The following MIA2 variants were observed in gnomAD, a reference collection of about 807,000 sequenced individuals.
MIA2 encodes the protein melanoma inhibitory activity protein 2.
Under a neutral mutation model 167.8 loss-of-function variants are expected in MIA2, and 127 were observed. The observed-to-expected ratio is 0.76, with a 90% CI of 0.66 to 0.88. The LOEUF (loss-of-function observed/expected upper bound fraction) is 0.88. MIA2 is among the 40% of genes least tolerant of loss of function. The pLI is 0.00. For missense variants in MIA2, 1,690 were observed against 1,624.7 expected (o/e 1.04, Z -0.69); for synonymous variants, 552 against 541.9 (o/e 1.02, Z -0.26).
downstream of MIA2, among the ~76,000 whole-genome samples, chr14:39,353,214 T>C (rs1262507761): frequency 6.6e-6 from 1 of 152,240 alleles, no homozygotes; most frequent in Admixed American, 6.5e-5. Flanking sequence ...AGTCCTCTTT[T>C]GTGATTACTT....
chr14:39,278,699 A>G (rs1044722904), intron 7 of MIA2, among the ~76,000 whole-genome samples: 17 of 152,248 alleles, frequency 1.1e-4, no homozygotes, highest in Non-Finnish European at 4.4e-5. Flanking sequence ...GGATATTGGC[A>G]TCAAGGGATA....
intron 9 of MIA2, among the ~76,000 whole-genome samples, chr14:39,288,475 A>ATTTTT (rs1247369150): frequency 4.0e-5 from 2 of 50,520 alleles, no homozygotes; most frequent in African/African-American, 2.1e-4. Flanking sequence ...ATATATATAT[A>ATTTTT]TTTTTTTTTT....
intron 6 of MIA2, among the ~76,000 whole-genome samples, chr14:39,258,891 G>A (rs761038357): frequency 6.6e-6 from 1 of 152,130 alleles, no homozygotes; most frequent in African/African-American, 2.4e-5. Context: ...GACCCTGTTC[G>A]ACTGGATATC....
At chr14:39,292,998 T>C (rs776050809) in intron 10 of MIA2, among the ~76,000 whole-genome samples, 38 of 152,326 alleles carry the variant, frequency 2.5e-4, no homozygotes, top group Middle Eastern at 3.4e-3. Flanking sequence ...TGCTCATTTA[T>C]GTAGGTATTG....
intron 23 of MIA2, among the ~76,000 whole-genome samples, chr14:39,377,401 A>C (rs1051809467): frequency 6.6e-6 from 1 of 152,208 alleles, no homozygotes; most frequent in African/African-American, 2.4e-5. Context: ...GGCTTTAAGA[A>C]AAGCAAAGCT....
chr14:39,267,112 T>G, intron 6 of MIA2: 1 of 1,127,998 alleles, frequency 8.9e-7, no homozygotes, highest in Non-Finnish European at 1.1e-6. Context: ...AGGGGAAGTT[T>G]GCGGCTGTCC....
chr14:39,239,006 A>G (rs757415484), intron 2 of MIA2, among the ~76,000 whole-genome samples: 2 of 152,102 alleles, frequency 1.3e-5, no homozygotes, highest in Non-Finnish European at 2.9e-5. Flanking sequence ...TATGATAAGT[A>G]CTTTTACTCC....
At position 39,293,387 on chromosome 14, in the gene MIA2, G is replaced by C; in HGVS notation, c.2319+6G>C. The C allele has an allele frequency of 1.3e-6, 2 of 1,521,912 alleles. No homozygotes were observed. The highest frequency in any genetic ancestry group is 1.8e-6 in the Non-Finnish European group (2 of 1,108,390). 94.3% of individuals were successfully genotyped at this position (1,521,912 alleles called of 1,614,324 possible). A position where few individuals can be genotyped will look rare whatever the true frequency, so the allele number is the denominator to read the frequency against. ...ATTCTGAACAAGATGAATTGGTAAG[G>C]CTTTTTTATTTGAGGAGAATATAAG... On this transcript the variant is annotated splice_donor_region_variant and intron_variant, in intron 11 of 28. Transcript: ENST00000640607.
chr14:39,375,200 A>G (rs934941924), intron 23 of MIA2, among the ~76,000 whole-genome samples: 1 of 152,190 alleles, frequency 6.6e-6, no homozygotes, highest in Non-Finnish European at 1.5e-5. Flanking sequence ...TATTCCTTCA[A>G]TTCTAAGGAA....
At chr14:39,265,256 C>A in intron 6 of MIA2, 2 of 719,192 alleles carry the variant, frequency 2.8e-6, no homozygotes, top group Non-Finnish European at 4.7e-6. Context: ...CTTTACCACA[C>A]AAATGTCAAA....
chr14:39,276,852 C>T, intron 6 of MIA2, 82 bp from the exon 7 acceptor site: 1 of 1,478,056 alleles, frequency 6.8e-7, no homozygotes, highest in Non-Finnish European at 9.2e-7. Context: ...TTGTGTTGAC[C>T]ACATAAACTT....
intron 6 of MIA2, among the ~76,000 whole-genome samples, chr14:39,269,780 A>G (rs570334618): frequency 6.6e-6 from 1 of 152,096 alleles, no homozygotes; most frequent in Non-Finnish European, 1.5e-5. Flanking sequence ...CTAGGCCTCC[A>G]AAAATGCTGG....
At chr14:39,373,819 T>TAAAAATA (rs200898323) in intron 23 of MIA2, among the ~76,000 whole-genome samples, 14 of 151,612 alleles carry the variant, frequency 9.2e-5, no homozygotes, top group Non-Finnish European at 1.5e-5. Context: ...AGAGTTGGTC[T>TAAAAATA]AAAAATAAAA....
downstream of MIA2, among the ~76,000 whole-genome samples, chr14:39,352,549 T>C (rs2074416752): frequency 6.6e-6 from 1 of 152,030 alleles, no homozygotes; most frequent in African/African-American, 2.4e-5. Context: ...TATAGTCACC[T>C]CTTTGGTATC....
chr14:39,347,415 G>T, intron 26 of MIA2: 1 of 342,942 alleles, frequency 2.9e-6, no homozygotes. Flanking sequence ...GGAGGGAGGA[G>T]GAAAAGAAGG....
chr14:39,328,333 AAATTTAAG>A (rs2068004598), intron 25 of MIA2, among the ~76,000 whole-genome samples: 3 of 151,918 alleles, frequency 2.0e-5, no homozygotes, highest in African/African-American at 7.3e-5. Flanking sequence ...TTTTTCTTGT[AAATTTAAG>A]TTGCTTGTAG....
chr14:39,290,684 A>G (rs1454573377), intron 9 of MIA2, among the ~76,000 whole-genome samples: 1 of 152,178 alleles, frequency 6.6e-6, no homozygotes, highest in African/African-American at 2.4e-5. Context: ...AAATCTTTGG[A>G]TAATCTTTAG....
At chr14:39,257,184 G>A (rs1203785302) in intron 6 of MIA2, among the ~76,000 whole-genome samples, 1 of 152,112 alleles carries the variant, frequency 6.6e-6, no homozygotes, top group Non-Finnish European at 1.5e-5. Context: ...TGACAGTGGG[G>A]CATCAAAGTC....
chr14:39,386,120 G>C, intron 23 of MIA2: 1 of 1,301,548 alleles, frequency 7.7e-7, no homozygotes, highest in Middle Eastern at 1.9e-4. Flanking sequence ...ATCAAGCATT[G>C]GTCATCTGAC....
Sources: allele counts gnomAD v4.1 joint callset (sites outside exome capture counted in the v4.1 genomes callset), GRCh38; gene constraint gnomAD v4.1.1; transcripts MANE v1.5; gene names NCBI Gene and HGNC (gene_info 2026-07-23, HGNC 2026-07-21).